The following PIAS2 variants were observed in gnomAD, a reference collection of about 807,000 sequenced individuals.
PIAS2 encodes the protein E3 SUMO-protein ligase PIAS2.
PIAS2 carries 19 observed loss-of-function variants against 69.7 expected under a neutral mutation model. The ratio of observed to expected loss-of-function variants is 0.27; its 90% CI spans 0.19 to 0.40. The LOEUF is 0.40. Ranked by LOEUF, PIAS2 falls within the 10% of genes least tolerant of loss-of-function variation. The probability of loss-of-function intolerance (pLI) is 1.00; values close to 1 mark genes in which losing one functional copy is unlikely to be tolerated. For missense variants in PIAS2, 624 were observed against 757.0 expected (o/e 0.82, Z 2.06); for synonymous variants, 261 against 263.2 (o/e 0.99, Z 0.08).
intron 1 of PIAS2, among the ~76,000 whole-genome samples, chr18:46,909,834 TAC>T (rs1378719004): frequency 3.3e-5 from 5 of 152,186 alleles, no homozygotes; most frequent in African/African-American, 9.7e-5. Context: ...GGTGAAACTT[TAC>T]AGTTTTTTTC....
In PIAS2 at chr18:46,817,100, ACTT is replaced by A. The variant is rs529006613; in HGVS notation, c.1649-1754_1649-1752del. On this transcript the variant is annotated intron_variant, in intron 12 of 13. Transcript: ENST00000585916. Reference sequence around the variant, plus strand: ...GTATAACCGTTTTCTTTTTACAGTAACTTCTTATCTTTTCAGTTTTTCAGTTTT... The same window carrying A: ...GTATAACCGTTTTCTTTTTACAGTAACTTATCTTTTCAGTTTTTCAGTTTT... 6.4e-4 allele frequency: 606 copies of A among 947,786 alleles called. 3 individuals are homozygous for A. In the African/African-American group the frequency reaches 8.4e-3, roughly 13 times the overall value. 58.7% of individuals were successfully genotyped at this position (947,786 alleles called of 1,614,324 possible).
chr18:46,812,646 G>A (rs369218908), intron 13 of PIAS2, 34 bp from the exon 14 acceptor site: 69 of 1,328,928 alleles, frequency 5.2e-5, no homozygotes, highest in Admixed American at 9.6e-5. Context: ...CAATGAGGAA[G>A]AGGCTACTTG....
chr18:46,842,095 G>A (rs996635880), intron 8 of PIAS2, among the ~76,000 whole-genome samples: 1 of 152,000 alleles, frequency 6.6e-6, no homozygotes, highest in Admixed American at 6.6e-5. Context: ...GTGTGGTGGC[G>A]TGTGGCGGTA....
chr18:46,888,112 A>T (rs1445989985), intron 2 of PIAS2, among the ~76,000 whole-genome samples: 2 of 152,190 alleles, frequency 1.3e-5, no homozygotes, highest in Non-Finnish European at 2.9e-5. Context: ...TTACAATAGT[A>T]TCAAAAAGAA....
At chr18:46,877,621 T>C (rs2051448494) in intron 2 of PIAS2, among the ~76,000 whole-genome samples, 1 of 152,132 alleles carries the variant, frequency 6.6e-6, no homozygotes, top group Non-Finnish European at 1.5e-5. Context: ...TAATTATTCA[T>C]ATTCAATTTT....
At chr18:46,824,576 A>G (rs1435314558) in intron 11 of PIAS2, among the ~76,000 whole-genome samples, 2 of 152,194 alleles carry the variant, frequency 1.3e-5, no homozygotes, top group East Asian at 3.8e-4. Context: ...TAAGCAAAGA[A>G]AGGGAATAGG....
chr18:46,846,935 T>C, intron 5 of PIAS2, 94 bp from the exon 6 acceptor site: 1 of 1,069,968 alleles, frequency 9.3e-7, no homozygotes, highest in South Asian at 3.3e-5. Context: ...CCAATTTCAG[T>C]TACACTATTT....
At chr18:46,819,159 G>A (rs1025020048) in intron 12 of PIAS2, among the ~76,000 whole-genome samples, 1 of 151,944 alleles carries the variant, frequency 6.6e-6, no homozygotes, top group African/African-American at 2.4e-5. Flanking sequence ...TTTAATTCAA[G>A]GTCTTTAGGA....
intron 2 of PIAS2, among the ~76,000 whole-genome samples, chr18:46,879,661 G>A (rs2051862410): frequency 6.6e-6 from 1 of 152,180 alleles, no homozygotes; most frequent in Non-Finnish European, 1.5e-5. Context: ...AGCAATCCAA[G>A]TGTCCATTGG....
rs2048547961 is a variant in PIAS2 at position 46,860,852 on chromosome 18, C to CACA, written c.584+3311_584+3312insTGT. Among the ~76,000 whole-genome samples the CACA allele has an allele frequency of 2.6e-5, 4 of 152,090 alleles. No homozygotes were observed. The South Asian group carries it at 8.3e-4, about 32-fold the overall frequency. ...ATTAGCCAGGTGTGGTGTTGTACAC[C>CACA]TGTAGTCCTAGCTTCTTGTGGGGCT... is the stretch of plus-strand genomic sequence containing the variant. On this transcript the variant is annotated intron_variant, in intron 3 of 13. Transcript: ENST00000585916.
chr18:46,909,943 G>A (rs2057070487), intron 1 of PIAS2, among the ~76,000 whole-genome samples: 1 of 152,104 alleles, frequency 6.6e-6, no homozygotes, highest in Non-Finnish European at 1.5e-5. Flanking sequence ...AAGGCGGGTG[G>A]ATCACCTGAA....
intron 11 of PIAS2, among the ~76,000 whole-genome samples, chr18:46,821,993 T>A (rs1223774920): frequency 6.6e-6 from 1 of 152,140 alleles, no homozygotes; most frequent in African/African-American, 2.4e-5. Flanking sequence ...CATCCTTGAA[T>A]GTATGTAGGA....
At chr18:46,890,455 A>T in intron 2 of PIAS2, 125 bp downstream of exon 2, 1 of 631,480 alleles carries the variant, frequency 1.6e-6, no homozygotes, top group Non-Finnish European at 2.7e-6. Flanking sequence ...TTATCCGTAT[A>T]TTCAAACATT....
intron 3 of PIAS2, among the ~76,000 whole-genome samples, chr18:46,855,997 G>GTTTTTTTTTTTTTTTTTTT (rs1171297653): frequency 1.5e-5 from 1 of 67,966 alleles, no homozygotes; most frequent in Non-Finnish European, 2.6e-5. Context: ...TTTTTCTTTT[G>GTTTTTTTTTTTTTTTTTTT]TTTTTTTTTT....
At chr18:46,832,505 CA>C (rs1218956724) in intron 9 of PIAS2, among the ~76,000 whole-genome samples, 1 of 152,004 alleles carries the variant, frequency 6.6e-6, no homozygotes, top group African/African-American at 2.4e-5. Flanking sequence ...AATAAATACG[CA>C]AAAAGATGCT....
chr18:46,886,494 G>A (rs979958319), intron 2 of PIAS2, among the ~76,000 whole-genome samples: 1 of 152,156 alleles, frequency 6.6e-6, no homozygotes, highest in African/African-American at 2.4e-5. Flanking sequence ...GGCTAAAGAT[G>A]AAAGTAAAAT....
chr18:46,837,289 C>A lies in PIAS2; in HGVS notation c.1042-772G>T, dbSNP rs187777725. 1.5e-3 allele frequency among the ~76,000 whole-genome samples: 224 copies of A among 151,876 alleles called. 1 individual carries two copies. The highest frequency in any genetic ancestry group is 2.3e-3 in the Non-Finnish European group (153 of 67,722). On this transcript the variant is annotated intron_variant, in intron 8 of 13. Coordinates refer to ENST00000585916, the MANE Select transcript of PIAS2 (RefSeq NM_004671.5). Reference sequence around the variant, plus strand: ...ATATAATGTTATTAAATTCTTCGGTCTCTGCCAATCTGGAAGGTGACAAAT... The same window carrying A: ...ATATAATGTTATTAAATTCTTCGGTATCTGCCAATCTGGAAGGTGACAAAT...
At chr18:46,861,412 T>C (rs2048644858) in intron 3 of PIAS2, among the ~76,000 whole-genome samples, 1 of 152,184 alleles carries the variant, frequency 6.6e-6, no homozygotes, top group African/African-American at 2.4e-5. Flanking sequence ...ACTGAATTAA[T>C]CTGCAAAAGT....
intron 8 of PIAS2, among the ~76,000 whole-genome samples, chr18:46,837,304 A>G (rs1168427209): frequency 6.6e-6 from 1 of 152,132 alleles, no homozygotes; most frequent in Non-Finnish European, 1.5e-5. Context: ...CCAATCTGGA[A>G]GGTGACAAAT....
Sources: gnomAD v4.1 joint callset for allele counts (sites outside exome capture counted in the v4.1 genomes callset) on GRCh38, gnomAD v4.1.1 for gene constraint, MANE v1.5 for transcripts, NCBI Gene and HGNC (gene_info 2026-07-23, HGNC 2026-07-21) for gene names.